The following ZNF169 variants were observed in gnomAD, a reference collection of about 807,000 sequenced individuals.
ZNF169 encodes the protein zinc finger protein 169.
Under a neutral mutation model 12.0 loss-of-function variants are expected in ZNF169, and 11 were observed. That is an observed-to-expected ratio of 0.92 (90% confidence interval 0.58 to 1.52). The LOEUF (loss-of-function observed/expected upper bound fraction) is 1.52. ZNF169 is among the 40% of genes most tolerant of loss of function. The probability of loss-of-function intolerance (pLI) is 0.00; values close to 1 mark genes in which losing one functional copy is unlikely to be tolerated. For missense variants in ZNF169, 722 were observed against 744.0 expected, an observed-to-expected ratio of 0.97 and a Z score of 0.34; for synonymous variants, 302 against 286.5, an observed-to-expected ratio of 1.05 and a Z score of -0.55.
intron 1 of ZNF169, among the ~76,000 whole-genome samples, chr9:94,275,492 G>A (rs1332110924): frequency 6.6e-6 from 1 of 152,180 alleles, no homozygotes; most frequent in Non-Finnish European, 1.5e-5. Flanking sequence ...CTGCCCAATA[G>A]TGTTTTCCAG....
chr9:94,259,720 T>C (rs1172259391), intron 1 of ZNF169, among the ~76,000 whole-genome samples: 1 of 151,992 alleles, frequency 6.6e-6, no homozygotes, highest in Non-Finnish European at 1.5e-5. Flanking sequence ...CCAGACAGCA[T>C]CCTGCCACTA....
At chr9:94,287,876 A>T in intron 2 of ZNF169, 1 of 998,888 alleles carries the variant, frequency 1.0e-6, no homozygotes, top group Non-Finnish European at 1.6e-6. Context: ...GGTCGATCTG[A>T]TACTTGGCTG....
chr9:94,301,263 C>T lies in ZNF169; in HGVS notation c.1705C>T (p.Pro569Ser). ...RHQRTHSGEKPYVCRECGRGF... is the reference protein window; with the variant it reads ...RHQRTHSGEKSYVCRECGRGF... The stretch of plus-strand genomic sequence containing the variant: ...TCAGCGGACCCATTCTGGGGAGAAG[C>T]CGTATGTCTGCAGGGAGTGTGGGCG... Residue 569 changes from proline (P) to serine (S), a missense_variant, in exon 5 of 5, where the codon CCG becomes TCG. Physicochemically the swap from Pro to Ser is moderately conservative, Grantham distance 74 (BLOSUM62 -1). Coordinates refer to ENST00000395395, the MANE Select transcript of ZNF169 (RefSeq NM_194320.4). 1 of 1,614,130 alleles carries T rather than the reference C, an allele frequency of 6.2e-7. No homozygotes were observed. Among genetic ancestry groups the T allele is most frequent in the South Asian group, 1.1e-5 (1 of 91,086 alleles).
intron 3 of ZNF169, 34 bp from the exon 4 acceptor site, chr9:94,292,940 C>A: frequency 6.4e-7 from 1 of 1,571,290 alleles, no homozygotes; most frequent in South Asian, 1.1e-5. Flanking sequence ...GCCACTAACT[C>A]AAGATCACCT....
intron 1 of ZNF169, among the ~76,000 whole-genome samples, chr9:94,264,023 A>G (rs538093821): frequency 2.6e-5 from 4 of 152,308 alleles, no homozygotes; most frequent in Non-Finnish European, 5.9e-5. Context: ...TTGTAATTGT[A>G]TAGGTACTTG....
At chr9:94,265,021 G>GTTTTTT (rs55756013) in intron 1 of ZNF169, among the ~76,000 whole-genome samples, 3 of 90,662 alleles carry the variant, frequency 3.3e-5, no homozygotes, top group African/African-American at 4.6e-5. Flanking sequence ...TCTGTACCCT[G>GTTTTTT]TTTTTTTTTT....
At chr9:94,278,095 A>G (rs1830557588) in intron 1 of ZNF169, among the ~76,000 whole-genome samples, 1 of 152,172 alleles carries the variant, frequency 6.6e-6, no homozygotes, top group African/African-American at 2.4e-5. Flanking sequence ...CTGAAGTATG[A>G]TTTATCTCTT....
At position 94,299,172 on chromosome 9, in the gene ZNF169, C is replaced by T. The variant is rs12338655; in HGVS notation, c.257-643C>T. Among the ~76,000 whole-genome samples, 11 of 152,212 alleles carry T rather than the reference C, an allele frequency of 7.2e-5. 1 individual carries two copies. In the East Asian group the frequency reaches 9.6e-4, roughly 13 times the overall value. ...CTAGAGGACAGCACCTTCATTTGCC[C>T]GGAGGGCAGCATCAGGGATTCCTCT... On this transcript the variant is annotated intron_variant, in intron 4 of 4. Transcript: ENST00000395395.
chr9:94,260,294 C>T (rs1289539973), intron 1 of ZNF169, among the ~76,000 whole-genome samples: 1 of 152,162 alleles, frequency 6.6e-6, no homozygotes, highest in East Asian at 1.9e-4. Context: ...CTCAAGTAAT[C>T]CCCCCGCCTC....
chr9:94,296,701 T>C, intron 4 of ZNF169: 1 of 454,926 alleles, frequency 2.2e-6, no homozygotes, highest in South Asian at 1.6e-5. Flanking sequence ...CTGGACTCTA[T>C]GTTTTTTCTA....
At chr9:94,272,052 A>G (rs1028980372) in intron 1 of ZNF169, among the ~76,000 whole-genome samples, 1 of 152,126 alleles carries the variant, frequency 6.6e-6, no homozygotes, top group African/African-American at 2.4e-5. Flanking sequence ...GTTTTGGTAA[A>G]CCTTATGATT....
intron 1 of ZNF169, among the ~76,000 whole-genome samples, chr9:94,273,487 T>A (rs1408468472): frequency 1.3e-5 from 2 of 151,798 alleles, no homozygotes; most frequent in East Asian, 3.8e-4. Flanking sequence ...TGCTTTTCTT[T>A]TTTTAGCTTC....
At chr9:94,278,723 C>A in intron 1 of ZNF169, 35 bp from the exon 2 acceptor site, 1 of 1,298,586 alleles carries the variant, frequency 7.7e-7, no homozygotes, top group East Asian at 2.3e-5. Context: ...GTGTTCTTCC[C>A]AAGTACCTCT....
chr9:94,292,606 G>GT (rs71500059), intron 3 of ZNF169, 139 bp downstream of exon 3: 35,396 of 838,080 alleles, frequency 0.042, 3,678 homozygotes, highest in Non-Finnish European at 0.053. Flanking sequence ...TCACAGTGCA[G>GT]TTGTGTGTGT....
chr9:94,281,634 C>A (rs529542952), intron 2 of ZNF169, among the ~76,000 whole-genome samples: 2 of 152,260 alleles, frequency 1.3e-5, no homozygotes, highest in East Asian at 3.9e-4. Context: ...ATGTGCCCAA[C>A]GTGGTCAGTG....
chr9:94,298,913 G>T (rs754454165), intron 4 of ZNF169, among the ~76,000 whole-genome samples: 3 of 152,118 alleles, frequency 2.0e-5, no homozygotes, highest in Non-Finnish European at 4.4e-5. Context: ...AAGTCAATTT[G>T]TATAGTTTTA....
intron 2 of ZNF169, among the ~76,000 whole-genome samples, chr9:94,280,638 G>C (rs541300155): frequency 7.9e-5 from 12 of 152,278 alleles, no homozygotes; most frequent in African/African-American, 2.9e-4. Flanking sequence ...ATGGAGTAAT[G>C]GTGAGAGCAC....
intron 4 of ZNF169, among the ~76,000 whole-genome samples, chr9:94,297,644 C>A (rs953072181): frequency 6.6e-6 from 1 of 152,000 alleles, no homozygotes; most frequent in East Asian, 1.9e-4. Context: ...ATAGTATGGT[C>A]AAAAATAAGA....
chr9:94,288,045 C>T, intron 2 of ZNF169: 1 of 779,468 alleles, frequency 1.3e-6, no homozygotes, highest in Non-Finnish European at 2.3e-6. Context: ...GCCAACTACA[C>T]TGTTGCTCTA....
Sources: gnomAD v4.1 joint callset for allele counts (sites outside exome capture counted in the v4.1 genomes callset) on GRCh38, gnomAD v4.1.1 for gene constraint, MANE v1.5 for transcripts, NCBI Gene and HGNC (gene_info 2026-07-23, HGNC 2026-07-21) for gene names.